DOCK8: variants seen among roughly 807,000 people sequenced by gnomAD.
DOCK8 encodes dedicator of cytokinesis protein 8.
In DOCK8, 141 loss-of-function variants were observed where a neutral mutation model predicts 245.6. The ratio of observed to expected loss-of-function variants is 0.57; its 90% CI spans 0.50 to 0.66. The LOEUF is 0.66. Ranked by LOEUF, DOCK8 falls within the 30% of genes least tolerant of loss-of-function variation. The pLI, the probability that DOCK8 is intolerant of heterozygous loss-of-function variation, is 0.00. For missense variants in DOCK8, 2,965 were observed against 2,603.4 expected (o/e 1.14, Z -3.02); for synonymous variants, 1,168 against 970.2 (o/e 1.20, Z -3.79).
At chr9:383,567 G>T (rs1326603363) in intron 22 of DOCK8, among the ~76,000 whole-genome samples, 1 of 152,090 alleles carries the variant, frequency 6.6e-6, no homozygotes, top group African/African-American at 2.4e-5. Context: ...GGGCATGGTG[G>T]CGGGTCCCTG....
rs903532164 is a variant in DOCK8, at chr9:400,957, C to T, written c.3234+1698C>T. Among the ~76,000 whole-genome samples, 206 of 120,814 alleles carry T rather than the reference C, an allele frequency of 1.7e-3. 76 individuals carry two copies. Among genetic ancestry groups the T allele is most frequent in the Middle Eastern group, 9.3e-3 (2 of 216 alleles). 79.3% of individuals were successfully genotyped at this position (120,814 alleles called of 152,430 possible). On this transcript the variant is annotated intron_variant, in intron 26 of 47. Transcript: ENST00000432829. ...CATCCACCACCACCATCACCACCAC[C>T]ACCACCACCTCCTCCACCATCACCA...
chr9:350,509 A>T (rs2052110682), intron 14 of DOCK8, among the ~76,000 whole-genome samples: 1 of 152,144 alleles, frequency 6.6e-6, no homozygotes, highest in South Asian at 2.1e-4. Flanking sequence ...ATGCCACTTT[A>T]ATTTTCTTAG....
At chr9:402,159 A>G (rs1477529573) in intron 26 of DOCK8, among the ~76,000 whole-genome samples, 1 of 152,224 alleles carries the variant, frequency 6.6e-6, no homozygotes, top group Non-Finnish European at 1.5e-5. Flanking sequence ...AACCCAAGGT[A>G]GATATCTGCC....
rs746260755 is a variant in DOCK8 at position 396,892 on chromosome 9, G to C, written c.3078G>C (p.Val1026=). 1 of 1,613,876 alleles carries C rather than the reference G, an allele frequency of 6.2e-7. No homozygotes were observed. The highest frequency in any genetic ancestry group is 1.1e-5 in the South Asian group (1 of 91,076). ...FMDDITTIVN[V]VTSEIAALLV... ...ATGACATAACTACTATTGTTAATGT[G>C]GTCACCTCGGAAATTGCAGCCCTTT... Residue 1026 remains valine, a synonymous_variant, in exon 25 of 48, where the codon GTG becomes GTC. Transcript: ENST00000432829.
chr9:261,256 T>A (rs2129774475), intron 1 of DOCK8, among the ~76,000 whole-genome samples: 1 of 152,342 alleles, frequency 6.6e-6, no homozygotes, highest in South Asian at 2.1e-4. Flanking sequence ...ATAGCTTATA[T>A]AACTATGTCT....
intron 22 of DOCK8, among the ~76,000 whole-genome samples, chr9:385,588 T>C (rs2053918863): frequency 6.6e-6 from 1 of 152,230 alleles, no homozygotes; most frequent in Admixed American, 6.5e-5. Context: ...TGCATTTCTA[T>C]GACATCGTGT....
chr9:376,242 G>A lies in DOCK8; in HGVS notation c.2142G>A (p.Trp714Ter), dbSNP rs2053510973. Reference protein sequence around the residue: ...KVPLQNPPIKWAEGHKGVFNI... With the variant: ...KVPLQNPPIK ...CATTACAGAATCCTCCCATTAAGTG[G>A]GCTGAAGGACATAAGGGAGTATTTA... is the stretch of plus-strand genomic sequence containing the variant. Residue 714 changes from tryptophan to a stop codon, truncating the protein, a stop_gained, in exon 19 of 48, where the codon TGG becomes TGA. Transcript: ENST00000432829. LOFTEE classifies it high-confidence loss of function. 1 of 1,613,252 alleles carries A rather than the reference G, an allele frequency of 6.2e-7. No individual in the cohort carries two copies. Among genetic ancestry groups the A allele is most frequent in the Non-Finnish European group, 8.5e-7 (1 of 1,179,354 alleles).
At chr9:341,342 C>G (rs1372216873) in intron 14 of DOCK8, among the ~76,000 whole-genome samples, 3 of 152,200 alleles carry the variant, frequency 2.0e-5, no homozygotes, top group Non-Finnish European at 4.4e-5. Context: ...GAGTGCTTGT[C>G]AACACATATC....
At chr9:337,635 C>T (rs1331140206) in intron 12 of DOCK8, among the ~76,000 whole-genome samples, 1 of 151,910 alleles carries the variant, frequency 6.6e-6, no homozygotes, top group Non-Finnish European at 1.5e-5. Context: ...TTTGTTAGCT[C>T]AGTAAACATC....
In DOCK8 at chr9:304,569, C is replaced by G; in HGVS notation, c.405-12C>G. 1.2e-6 allele frequency: 2 copies of G among 1,613,948 alleles called. No individual in the cohort carries two copies. The highest frequency in any genetic ancestry group is 1.7e-6 in the Non-Finnish European group (2 of 1,179,978). ...CTCTTTCTCTCTCCAAATTAAATAT[C>G]AACCATAAAAGAAACCAAGGAAGTC... On this transcript the variant is annotated splice_polypyrimidine_tract_variant and intron_variant, in intron 4 of 47. Transcript: ENST00000432829.
At chr9:243,728 G>T (rs2047433459) in intron 1 of DOCK8, among the ~76,000 whole-genome samples, 1 of 152,048 alleles carries the variant, frequency 6.6e-6, no homozygotes. Context: ...GTATCTCACT[G>T]TCTGAATCTA....
At chr9:432,108 A>T in intron 36 of DOCK8, 58 bp from the exon 37 acceptor site, 1 of 1,585,596 alleles carries the variant, frequency 6.3e-7, no homozygotes. Flanking sequence ...GCTTTCAGTT[A>T]TCTACTGCTA....
At chr9:429,115 T>A (rs891324095) in intron 35 of DOCK8, among the ~76,000 whole-genome samples, 14 of 152,142 alleles carry the variant, frequency 9.2e-5, no homozygotes, top group African/African-American at 3.1e-4. Context: ...TATAGGCGTG[T>A]GCCACCGCAC....
rs149269130 is a variant in DOCK8, at chr9:251,550, AG to A, written c.54-20076del. Among the ~76,000 whole-genome samples, 1,118 of 152,282 alleles carry A rather than the reference AG, an allele frequency of 7.3e-3. 8 individuals are homozygous for A. The highest frequency in any genetic ancestry group is 0.025 in the African/African-American group (1,022 of 41,550). On this transcript the variant is annotated intron_variant, in intron 1 of 47. Coordinates refer to ENST00000432829, the MANE Select transcript of DOCK8 (RefSeq NM_203447.4). ...AGCCCCCGGGAAGGAAAATACCAGA[AG>A]TTTCACTCCGATAGCAGCTTTTTCT...
At chr9:214,834 G>A (rs773873397), upstream of DOCK8, 9 of 1,600,322 alleles carry the variant, frequency 5.6e-6, no homozygotes, top group Middle Eastern at 1.7e-4. Context: ...CGGCTTAGAA[G>A]GTGGAAATGC....
In DOCK8 at chr9:451,967, A is replaced by ATGTG. The variant is rs1564085323; in HGVS notation, c.5962-43_5962-42insGTGT. The ATGTG allele has an allele frequency of 5.8e-4, 222 of 384,458 alleles. 6 individuals are homozygous for ATGTG. The African/African-American group carries it at 9.1e-3, about 16-fold the overall frequency. 23.8% of individuals were successfully genotyped at this position (384,458 alleles called of 1,614,324 possible). On this transcript the variant is annotated intron_variant, in intron 45 of 47. Transcript: ENST00000432829. ...TATGTGTGTGTGTGTATATATATAT[A>ATGTG]TATATATATATTTTTTTTTTTTTTT...
chr9:280,264 G>A (rs79576342), intron 2 of DOCK8, among the ~76,000 whole-genome samples: 1,761 of 152,304 alleles, frequency 0.012, 31 homozygotes, highest in African/African-American at 0.04. Flanking sequence ...TAAAAAGAAA[G>A]ACTGCATAAG....
At chr9:273,632 G>A (rs139014391) in intron 2 of DOCK8, among the ~76,000 whole-genome samples, 79 of 151,840 alleles carry the variant, frequency 5.2e-4, no homozygotes, top group African/African-American at 1.8e-3. Flanking sequence ...CCTAAGAGAC[G>A]TTAAGGAAGT....
chr9:452,146 G>C, intron 46 of DOCK8, 29 bp downstream of exon 46: 1 of 1,441,632 alleles, frequency 6.9e-7, no homozygotes, highest in African/African-American at 1.4e-5. Flanking sequence ...GGGAATTTCA[G>C]TAGAGCAGTG....
Sources: allele counts gnomAD v4.1 joint callset (sites outside exome capture counted in the v4.1 genomes callset), GRCh38; gene constraint gnomAD v4.1.1; transcripts MANE v1.5; gene names NCBI Gene and HGNC (gene_info 2026-07-23, HGNC 2026-07-21).